The following ADAM10 variants were observed in gnomAD, a reference collection of about 807,000 sequenced individuals.
The protein encoded by ADAM10 is ADAM metallopeptidase domain 10, also known as disintegrin and metalloproteinase domain-containing protein 10.
A neutral mutation model predicts 90.1 loss-of-function variants in ADAM10; 17 were observed. The ratio of observed to expected loss-of-function variants is 0.19; its 90% confidence interval spans 0.13 to 0.28. The LOEUF is 0.28. Ranked by LOEUF, ADAM10 falls within the 10% of genes least tolerant of loss-of-function variation. ADAM10 has a pLI of 1.00. For synonymous variants in ADAM10, 310 were observed against 298.6 expected (o/e 1.04, Z -0.40); for missense variants, 610 against 914.3 (o/e 0.67, Z 4.29).
intron 14 of ADAM10, chr15:58,609,197 C>T (rs9920042): frequency 0.29 from 43,722 of 151,928 alleles, 8,886 homozygotes; most frequent in African/African-American, 0.57. Flanking sequence ...GAACTTACCA[C>T]GCAACAAGCA....
chr15:58,738,147 C>T (rs1448271103), intron 1 of ADAM10, among the ~76,000 whole-genome samples: 1 of 152,198 alleles, frequency 6.6e-6, no homozygotes, highest in Non-Finnish European at 1.5e-5. Flanking sequence ...AGACTTTTCA[C>T]TTGCATAATT....
intron 5 of ADAM10, among the ~76,000 whole-genome samples, chr15:58,648,161 A>G (rs935091307): frequency 1.3e-5 from 2 of 152,232 alleles, no homozygotes; most frequent in East Asian, 3.8e-4. Context: ...GTCCCATAAC[A>G]TCATGTAATA....
intron 1 of ADAM10, among the ~76,000 whole-genome samples, chr15:58,718,503 C>G (rs1286640553): frequency 6.6e-6 from 1 of 151,952 alleles, no homozygotes; most frequent in Admixed American, 6.6e-5. Flanking sequence ...AGTATTACCT[C>G]TTCTTCAATT....
chr15:58,712,326 C>T (rs1898500824), intron 2 of ADAM10, among the ~76,000 whole-genome samples: 1 of 148,906 alleles, frequency 6.7e-6, no homozygotes, highest in Admixed American at 6.7e-5. Flanking sequence ...GCCAAGGGAA[C>T]CTGGGCAACA....
intron 8 of ADAM10, among the ~76,000 whole-genome samples, chr15:58,634,934 G>C (rs1426533563): frequency 6.6e-6 from 1 of 152,090 alleles, no homozygotes; most frequent in African/African-American, 2.4e-5. Context: ...AAATAGGTCT[G>C]CAAGAACAGC....
At chr15:58,678,216 A>G (rs887556795) in intron 4 of ADAM10, among the ~76,000 whole-genome samples, 3 of 152,194 alleles carry the variant, frequency 2.0e-5, no homozygotes, top group African/African-American at 7.2e-5. Flanking sequence ...TTCTATAGCA[A>G]TCTAGCAGCA....
intron 4 of ADAM10, among the ~76,000 whole-genome samples, chr15:58,672,041 T>G (rs887595047): frequency 7.1e-6 from 1 of 140,450 alleles, no homozygotes; most frequent in African/African-American, 2.9e-5. Flanking sequence ...ATTATAAAAT[T>G]CCTTACTCAA....
intron 8 of ADAM10, 58 bp from the exon 9 acceptor site, chr15:58,633,417 G>T: frequency 7.2e-7 from 1 of 1,387,352 alleles, no homozygotes; most frequent in East Asian, 2.3e-5. Flanking sequence ...CCCCCAAAAA[G>T]GTAATACATG....
intron 11 of ADAM10, among the ~76,000 whole-genome samples, chr15:58,614,285 CAAAATA>C (rs1895538634): frequency 7.1e-6 from 1 of 140,716 alleles, no homozygotes; most frequent in Non-Finnish European, 1.5e-5. Context: ...GACTCTGTCT[CAAAATA>C]AAAAGAAAGA....
chr15:58,720,768 C>T (rs566659233), intron 1 of ADAM10, among the ~76,000 whole-genome samples: 59 of 152,142 alleles, frequency 3.9e-4, no homozygotes, highest in Non-Finnish European at 7.9e-4. Flanking sequence ...CTTCTGTATC[C>T]TTTAAACATA....
At chr15:58,669,615 T>C (rs1344893653) in intron 4 of ADAM10, among the ~76,000 whole-genome samples, 3 of 152,148 alleles carry the variant, frequency 2.0e-5, no homozygotes, top group Admixed American at 6.5e-5. Flanking sequence ...TTTTGGTCCT[T>C]AGTAGTTATT....
chr15:58,749,540 GC>G lies in ADAM10; in HGVS notation c.-7del. 2 of 1,551,374 alleles carry G rather than the reference GC, an allele frequency of 1.3e-6. No homozygotes were observed. Among genetic ancestry groups the G allele is most frequent in the Non-Finnish European group, 1.7e-6 (2 of 1,146,994 alleles). ...AACACTCTCAGCAACACCATCTTCC[GC>G]TGCCGCTGCCGCCGCCGCCGCCTCC... On this transcript the variant is annotated 5_prime_UTR_variant, in exon 1 of 16. Coordinates refer to ENST00000260408, the MANE Select transcript of ADAM10 (RefSeq NM_001110.4).
chr15:58,711,683 C>T (rs1257389024), intron 2 of ADAM10, among the ~76,000 whole-genome samples: 3 of 152,036 alleles, frequency 2.0e-5, no homozygotes, highest in African/African-American at 7.2e-5. Context: ...AAGATGCCTA[C>T]CCCAAAGTAC....
intron 5 of ADAM10, among the ~76,000 whole-genome samples, chr15:58,650,755 G>A (rs1005524426): frequency 1.3e-5 from 2 of 151,948 alleles, no homozygotes; most frequent in Non-Finnish European, 2.9e-5. Context: ...TACAAAACAC[G>A]TATATGGAAA....
intron 1 of ADAM10, among the ~76,000 whole-genome samples, chr15:58,746,144 G>A (rs1435737468): frequency 6.6e-6 from 1 of 152,220 alleles, no homozygotes; most frequent in Non-Finnish European, 1.5e-5. Context: ...TCACCACTAA[G>A]TGGTGGATGA....
At chr15:58,695,508 T>G (rs765384890) in intron 2 of ADAM10, among the ~76,000 whole-genome samples, 8 of 152,144 alleles carry the variant, frequency 5.3e-5, no homozygotes, top group Non-Finnish European at 8.8e-5. Flanking sequence ...ATAAAAACAC[T>G]ATCTCAAAAC....
At chr15:58,673,518 TTGA>T (rs1275673805) in intron 4 of ADAM10, among the ~76,000 whole-genome samples, 2 of 151,706 alleles carry the variant, frequency 1.3e-5, no homozygotes, top group Admixed American at 6.6e-5. Context: ...ATATTTTATA[TTGA>T]TGTTTTAAGA....
rs1648892660 is a variant in ADAM10, at chr15:58,749,118, G to T, written c.55+362C>A. On this transcript the variant is annotated intron_variant, in intron 1 of 15. Coordinates refer to ENST00000260408, the MANE Select transcript of ADAM10 (RefSeq NM_001110.4). ...CCTCGCTGCGGCTGCCTGCACCGGC[G>T]CCCGCCGAGCAGACTGGAGGGATGC... 1.0e-5 allele frequency: 4 copies of T among 397,956 alleles called. No homozygotes were observed. In the Admixed American group the frequency reaches 1.8e-4, roughly 18 times the overall value. 24.7% of individuals were successfully genotyped at this position (397,956 alleles called of 1,614,324 possible). A position where few individuals can be genotyped will look rare whatever the true frequency, so the allele number is the denominator to read the frequency against.
At chr15:58,679,400 A>G in intron 3 of ADAM10, 118 bp from the exon 4 acceptor site, 2 of 837,148 alleles carry the variant, frequency 2.4e-6, no homozygotes, top group Non-Finnish European at 3.8e-6. Context: ...ATATACACAT[A>G]TATATGGTTA....
Sources: allele counts gnomAD v4.1 joint callset (sites outside exome capture counted in the v4.1 genomes callset), GRCh38; gene constraint gnomAD v4.1.1; transcripts MANE v1.5; gene names NCBI Gene and HGNC (gene_info 2026-07-23, HGNC 2026-07-21).